The following NDUFA5 variants were observed in gnomAD, a reference collection of about 807,000 sequenced individuals.
The protein encoded by NDUFA5 is NADH:ubiquinone oxidoreductase subunit A5, also known as NADH dehydrogenase [ubiquinone] 1 alpha subcomplex subunit 5.
In NDUFA5, 11 loss-of-function variants were observed where a neutral mutation model predicts 19.8. That is an observed-to-expected ratio of 0.56 (90% confidence interval 0.35 to 0.92). The LOEUF is 0.92. Among genes scored for constraint, NDUFA5 ranks in the 40% least tolerant of loss-of-function variants. The pLI, the probability that NDUFA5 is intolerant of heterozygous loss-of-function variation, is 0.01. For synonymous variants in NDUFA5, 47 were observed against 46.8 expected, an observed-to-expected ratio of 1.00 and a Z score of -0.01; for missense variants, 109 against 134.2, an observed-to-expected ratio of 0.81 and a Z score of 0.93.
At chr7:123,590,855 T>C in the NDUFA5 span, among the ~76,000 whole-genome samples, 53 of 152,304 alleles carry the variant, frequency 3.5e-4, no homozygotes, top group African/African-American at 1.2e-3. Context: ...GGTAGCTTGA[T>C]GGGGAGGGCA....
rs1438172908 is a variant in NDUFA5 at position 123,547,629 on chromosome 7, CAT to C, written c.184-1955_184-1954del. ...CAGATTATTTAACAGGGAATTAACT[CAT>C]ATGAGAGACCAAAAATCAAAAACAA... On this transcript the variant is annotated intron_variant, in intron 3 of 4. Coordinates refer to ENST00000355749, the MANE Select transcript of NDUFA5 (RefSeq NM_005000.5). 9.9e-5 allele frequency among the ~76,000 whole-genome samples: 15 copies of C among 152,210 alleles called. 1 individual carries two copies. The East Asian group carries it at 2.9e-3, about 29-fold the overall frequency.
chr7:123,597,306 C>T, the NDUFA5 span, among the ~76,000 whole-genome samples: 1 of 152,126 alleles, frequency 6.6e-6, no homozygotes, highest in Admixed American at 6.5e-5. Flanking sequence ...GATGGTATCA[C>T]AGTGTTTGTG....
chr7:123,565,428 CAT>C, the NDUFA5 span, among the ~76,000 whole-genome samples: 1 of 150,436 alleles, frequency 6.6e-6, no homozygotes, highest in African/African-American at 2.5e-5. Flanking sequence ...CACACACACA[CAT>C]CCACACACGA....
chr7:123,600,865 C>T, the NDUFA5 span, among the ~76,000 whole-genome samples: 6 of 151,884 alleles, frequency 4.0e-5, no homozygotes, highest in South Asian at 2.1e-4. Flanking sequence ...AGAGATGAGA[C>T]GAAAAACAAA....
In NDUFA5 at chr7:123,537,795, G is replaced by A. The variant is rs1404203955; in HGVS notation, c.*4324C>T. The A allele has an allele frequency of 6.7e-6, 1 of 150,318 alleles. No individual in the cohort carries two copies. The highest frequency in any genetic ancestry group is 2.5e-5 in the African/African-American group (1 of 40,756). 9.3% of individuals were successfully genotyped at this position (150,318 alleles called of 1,614,324 possible). Reference sequence around the variant, plus strand: ...CTGGTGAAAAATAATTCACCCTCCAGTTATAGAGAGATTAAAATGCCAATA... The same window carrying A: ...CTGGTGAAAAATAATTCACCCTCCAATTATAGAGAGATTAAAATGCCAATA... On this transcript the variant is annotated 3_prime_UTR_variant, in exon 5 of 5. Coordinates refer to ENST00000355749, the MANE Select transcript of NDUFA5 (RefSeq NM_005000.5).
chr7:123,586,972 C>A, the NDUFA5 span, among the ~76,000 whole-genome samples: 1 of 151,540 alleles, frequency 6.6e-6, no homozygotes, highest in East Asian at 1.9e-4. Flanking sequence ...AATTTGAAAT[C>A]TTTGTATTAT....
the NDUFA5 span, among the ~76,000 whole-genome samples, chr7:123,585,347 T>C: frequency 4.0e-5 from 6 of 151,796 alleles, no homozygotes; most frequent in Middle Eastern, 3.4e-3. Flanking sequence ...TTCCTCCCCC[T>C]ATTCCCTAAA....
chr7:123,545,407 G>A (rs540206112), intron 4 of NDUFA5, among the ~76,000 whole-genome samples: 1 of 152,198 alleles, frequency 6.6e-6, no homozygotes, highest in Admixed American at 6.5e-5. Flanking sequence ...GCTTCTAACA[G>A]AAGTCTCATA....
chr7:123,577,639 A>G, the NDUFA5 span, among the ~76,000 whole-genome samples: 3 of 152,174 alleles, frequency 2.0e-5, no homozygotes, highest in African/African-American at 7.2e-5. Context: ...TTGATCAAAA[A>G]TGGTAATAAA....
Position 123,557,770 on chromosome 7 carries a change from C to T in NDUFA5, c.21+5G>A, listed in dbSNP as rs1449739727. 2 of 1,613,966 alleles carry T rather than the reference C, an allele frequency of 1.2e-6. No homozygotes were observed. Among genetic ancestry groups the T allele is most frequent in the South Asian group, 2.2e-5 (2 of 91,044 alleles). Reference sequence around the variant, plus strand: ...AATTCCAACAGTGACCTCCATTCGTCTCACCTTCTTCAGCACACCCGCCAT... The same window carrying T: ...AATTCCAACAGTGACCTCCATTCGTTTCACCTTCTTCAGCACACCCGCCAT... On this transcript the variant is annotated splice_donor_5th_base_variant and intron_variant, in intron 1 of 4. Transcript: ENST00000355749.
the NDUFA5 span, among the ~76,000 whole-genome samples, chr7:123,572,925 CT>C: frequency 6.6e-6 from 1 of 150,860 alleles, no homozygotes; most frequent in Non-Finnish European, 1.5e-5. Flanking sequence ...TCTTTTTTGT[CT>C]TTTTTTGTCC....
chr7:123,565,846 G>A, the NDUFA5 span, among the ~76,000 whole-genome samples: 5 of 152,024 alleles, frequency 3.3e-5, no homozygotes, highest in South Asian at 6.2e-4. Context: ...GTAAAACCCC[G>A]TCTTTACTAA....
chr7:123,577,711 T>C, the NDUFA5 span, among the ~76,000 whole-genome samples: 3 of 152,114 alleles, frequency 2.0e-5, no homozygotes, highest in Admixed American at 6.6e-5. Flanking sequence ...TAGATTTTCT[T>C]TGGATATGGT....
rs531089175 is a variant in NDUFA5, at chr7:123,542,143, G to A, written c.327C>T (p.Ala109=). ...ATTATATTGGCCATTTCCACTGATCGGCAGGAGGCTCTTCCACTAATGGCT... is the reference window on the plus strand; with the variant it reads ...ATTATATTGGCCATTTCCACTGATCAGCAGGAGGCTCTTCCACTAATGGCT... ...LWEPLVEEPP[A]DQWKWPI The change falls in exon 5 of 5, where the codon GCC becomes GCT. Residue 109 remains alanine (A), a synonymous_variant. Coordinates refer to ENST00000355749, the MANE Select transcript of NDUFA5 (RefSeq NM_005000.5). The A allele has an allele frequency of 8.6e-5, 138 of 1,610,558 alleles. No homozygotes were observed. The highest frequency in any genetic ancestry group is 2.5e-4 in the Admixed American group (15 of 59,584).
Position 123,542,124 on chromosome 7 carries a change from T to C in NDUFA5, c.346A>G (p.Ile116Val). ...EPPADQWKWP[I>V] is the part of the protein sequence containing the mutation. Reference sequence around the variant, plus strand: ...ACACCAAAGTCACTTAATAATTATATTGGCCATTTCCACTGATCGGCAGGA... The same window carrying C: ...ACACCAAAGTCACTTAATAATTATACTGGCCATTTCCACTGATCGGCAGGA... The change falls in exon 5 of 5, where the codon ATA becomes GTA. Residue 116 changes from isoleucine to valine, a missense_variant. Coordinates refer to ENST00000355749, the MANE Select transcript of NDUFA5 (RefSeq NM_005000.5). The C allele has an allele frequency of 2.5e-6, 4 of 1,606,110 alleles. No homozygotes were observed. The highest frequency in any genetic ancestry group is 2.2e-5 in the East Asian group (1 of 44,646).
chr7:123,577,797 GGACAGTTTCTATCAAA>G, the NDUFA5 span, among the ~76,000 whole-genome samples: 247 of 152,212 alleles, frequency 1.6e-3, 1 homozygote, highest in African/African-American at 5.5e-3. Context: ...AGGGTTGCAA[GGACAGTTTCTATCAAA>G]GACATTCTAG....
the NDUFA5 span, among the ~76,000 whole-genome samples, chr7:123,575,902 T>C: frequency 6.6e-6 from 1 of 151,022 alleles, no homozygotes; most frequent in Non-Finnish European, 1.5e-5. Flanking sequence ...GCATGCATAG[T>C]GTGTCCTGTA....
At chr7:123,589,213 C>G in the NDUFA5 span, among the ~76,000 whole-genome samples, 1 of 151,586 alleles carries the variant, frequency 6.6e-6, no homozygotes, top group Non-Finnish European at 1.5e-5. Context: ...TGTTTAGGTG[C>G]TCTGATGTTG....
intron 3 of NDUFA5, 54 bp from the exon 4 acceptor site, chr7:123,545,730 A>G (rs939331521): frequency 1.2e-5 from 14 of 1,142,460 alleles, no homozygotes; most frequent in Non-Finnish European, 1.6e-5. Context: ...GAATGTTTCA[A>G]TATCCTATAT....
Sources: gnomAD v4.1 joint callset for allele counts (sites outside exome capture counted in the v4.1 genomes callset) on GRCh38, gnomAD v4.1.1 for gene constraint, MANE v1.5 for transcripts, NCBI Gene and HGNC (gene_info 2026-07-23, HGNC 2026-07-21) for gene names.